MSRA: variants seen among roughly 807,000 people sequenced by gnomAD.
MSRA encodes methionine sulfoxide reductase A, also known as mitochondrial peptide methionine sulfoxide reductase.
MSRA carries 54 observed loss-of-function variants against 31.3 expected under a neutral mutation model. The ratio of observed to expected loss-of-function variants is 1.73; its 90% CI spans 1.39 to 2.17. MSRA has a LOEUF of 2.17. MSRA is among the 30% of genes most tolerant of loss of function. The pLI, the probability that MSRA is intolerant of heterozygous loss-of-function variation, is 0.00. For missense variants in MSRA, 507 were observed against 300.9 expected (o/e 1.69, Z -5.07); for synonymous variants, 169 against 116.5 (o/e 1.45, Z -2.90).
chr8:10,418,993 C>G (rs1267334908), intron 5 of MSRA, among the ~76,000 whole-genome samples: 6 of 151,838 alleles, frequency 4.0e-5, no homozygotes, highest in Non-Finnish European at 8.8e-5. Context: ...GTCTATAGGT[C>G]AGTCCTACTA....
chr8:10,183,146 C>G (rs113606775), intron 1 of MSRA, among the ~76,000 whole-genome samples: 2,882 of 152,242 alleles, frequency 0.019, 93 homozygotes, highest in African/African-American at 0.065. Flanking sequence ...TGTGTTTGCT[C>G]TTAGCTCTTG....
At chr8:10,360,102 C>G (rs1032327223) in intron 5 of MSRA, among the ~76,000 whole-genome samples, 23 of 152,200 alleles carry the variant, frequency 1.5e-4, no homozygotes, top group African/African-American at 4.8e-4. Context: ...TCACCCAGGC[C>G]TCGTAACACA....
At chr8:10,221,939 G>A (rs1413948899) in intron 2 of MSRA, among the ~76,000 whole-genome samples, 2 of 152,176 alleles carry the variant, frequency 1.3e-5, no homozygotes, top group African/African-American at 2.4e-5. Context: ...CAGCAAGGGA[G>A]GAGGAGGAGC....
At chr8:10,177,157 TG>T (rs1427292175) in intron 1 of MSRA, among the ~76,000 whole-genome samples, 7 of 152,214 alleles carry the variant, frequency 4.6e-5, no homozygotes, top group African/African-American at 1.7e-4. Context: ...AGTATGGTGT[TG>T]AAAAAGTTGG....
chr8:10,261,660 A>T (rs1798491754), intron 3 of MSRA, among the ~76,000 whole-genome samples: 1 of 152,194 alleles, frequency 6.6e-6, no homozygotes, highest in Non-Finnish European at 1.5e-5. Flanking sequence ...CTTGGCTATT[A>T]ACATCTTAGT....
intron 4 of MSRA, among the ~76,000 whole-genome samples, chr8:10,308,505 G>A (rs1454662224): frequency 6.6e-6 from 1 of 152,164 alleles, no homozygotes; most frequent in Non-Finnish European, 1.5e-5. Context: ...ATAATGCCCT[G>A]TTAAAAACAC....
chr8:10,387,356 G>A (rs1162055688), intron 5 of MSRA, among the ~76,000 whole-genome samples: 1 of 151,966 alleles, frequency 6.6e-6, no homozygotes, highest in Non-Finnish European at 1.5e-5. Context: ...TGAATCTGCT[G>A]AAATAAACTG....
chr8:10,210,421 C>CT (rs1554491101), intron 2 of MSRA, among the ~76,000 whole-genome samples: 1 of 152,172 alleles, frequency 6.6e-6, no homozygotes, highest in East Asian at 1.9e-4. Context: ...GGTCCACACA[C>CT]AAAAGTATGA....
chr8:10,217,650 C>A (rs924646818), intron 2 of MSRA, among the ~76,000 whole-genome samples: 6 of 152,168 alleles, frequency 3.9e-5, no homozygotes, highest in Non-Finnish European at 8.8e-5. Flanking sequence ...CCCACTCCCT[C>A]CCCCTCTTCT....
intron 4 of MSRA, 63 bp from the exon 5 acceptor site, chr8:10,319,820 C>A: frequency 1.1e-6 from 1 of 944,572 alleles, no homozygotes; most frequent in South Asian, 2.7e-5. Flanking sequence ...GCATTGTGCC[C>A]AGTTTGAGAC....
chr8:10,245,360 T>C, intron 3 of MSRA, 137 bp downstream of exon 3: 2 of 774,996 alleles, frequency 2.6e-6, no homozygotes, highest in South Asian at 2.2e-5. Context: ...TGTATATATA[T>C]ACTTGTGAGC....
At chr8:10,090,247 C>T (rs942669904) in intron 1 of MSRA, among the ~76,000 whole-genome samples, 2 of 152,040 alleles carry the variant, frequency 1.3e-5, no homozygotes, top group African/African-American at 4.8e-5. Context: ...CCTAGCAGTC[C>T]AGGAGAGCAG....
intron 1 of MSRA, among the ~76,000 whole-genome samples, chr8:10,131,498 G>C (rs75200297): frequency 1.3e-3 from 199 of 152,334 alleles, no homozygotes; most frequent in African/African-American, 4.6e-3. Context: ...AGTGTGAAGT[G>C]AGAATAGCTA....
intron 1 of MSRA, chr8:10,095,898 A>G (rs1242954491): frequency 2.3e-6 from 3 of 1,311,902 alleles, no homozygotes; most frequent in Admixed American, 3.6e-5. Context: ...TGATTATACC[A>G]TGAGAGACAG....
At chr8:10,185,321 C>T (rs1332584387) in intron 1 of MSRA, among the ~76,000 whole-genome samples, 1 of 152,194 alleles carries the variant, frequency 6.6e-6, no homozygotes, top group Non-Finnish European at 1.5e-5. Context: ...TCTCCCTCAG[C>T]AGCTGGAAGA....
At chr8:10,379,452 G>A (rs1366378488) in intron 5 of MSRA, among the ~76,000 whole-genome samples, 1 of 152,174 alleles carries the variant, frequency 6.6e-6, no homozygotes, top group Admixed American at 6.5e-5. Flanking sequence ...GGGGGAGCCC[G>A]GGCTGAGGCT....
At chr8:10,378,087 T>C (rs1435748912) in intron 5 of MSRA, among the ~76,000 whole-genome samples, 1 of 152,164 alleles carries the variant, frequency 6.6e-6, no homozygotes, top group Non-Finnish European at 1.5e-5. Flanking sequence ...GCAGAGGAAC[T>C]CTGTGGACTC....
At chr8:10,324,326 G>A (rs889586659) in intron 5 of MSRA, among the ~76,000 whole-genome samples, 13 of 152,194 alleles carry the variant, frequency 8.5e-5, no homozygotes, top group South Asian at 6.2e-4. Context: ...GAGCTTGTGC[G>A]TGTGTTTGCA....
At chr8:10,175,817 T>C (rs1805999432) in intron 1 of MSRA, among the ~76,000 whole-genome samples, 1 of 152,242 alleles carries the variant, frequency 6.6e-6, no homozygotes, top group Non-Finnish European at 1.5e-5. Context: ...TCCTTTTGTG[T>C]GGGTAGCCAC....
Sources: gnomAD v4.1 joint callset for allele counts (sites outside exome capture counted in the v4.1 genomes callset) on GRCh38, gnomAD v4.1.1 for gene constraint, MANE v1.5 for transcripts, NCBI Gene and HGNC (gene_info 2026-07-23, HGNC 2026-07-21) for gene names.